The following PDPK1 variants were observed in gnomAD, a reference collection of about 807,000 sequenced individuals.
The protein encoded by PDPK1 is 3-phosphoinositide-dependent protein kinase 1.
PDPK1 carries 7 observed loss-of-function variants against 39.8 expected under a neutral mutation model. The observed-to-expected ratio is 0.18, with a 90% CI of 0.10 to 0.33. The LOEUF is 0.33. Among genes scored for constraint, PDPK1 ranks in the 10% least tolerant of loss-of-function variants. PDPK1 has a pLI of 1.00. For synonymous variants in PDPK1, 118 were observed against 159.1 expected (o/e 0.74, Z 1.95); for missense variants, 182 against 384.7 (o/e 0.47, Z 4.41).
At chr16:2,589,478 A>G (rs1036111400) in intron 11 of PDPK1, among the ~76,000 whole-genome samples, 3 of 152,148 alleles carry the variant, frequency 2.0e-5, no homozygotes, top group Non-Finnish European at 4.4e-5. Flanking sequence ...CACTTGAGCC[A>G]GGAATTCGAG....
In PDPK1 at chr16:2,597,155, C is replaced by T; in HGVS notation, c.1434C>T (p.Leu478=). The T allele has an allele frequency of 1.9e-6, 3 of 1,567,450 alleles. No individual in the cohort carries two copies. The highest frequency in any genetic ancestry group is 1.2e-5 in the South Asian group (1 of 86,426). ...TTGCAAGACGACGACAGCTGTTGCT[C>T]ACAGAAGGACCACATTTATATTATG... ...GLFARRRQLL[L]TEGPHLYYVD... Residue 478 remains leucine (L), a synonymous_variant, in exon 13 of 14, where the codon CTC becomes CTT. Coordinates refer to ENST00000342085, the MANE Select transcript of PDPK1 (RefSeq NM_002613.5). This position sits in a 1 kb window ranked among gnomAD's most constrained non-coding sequence, Gnocchi z 6.3.
At chr16:2,546,155 C>T (rs1412030529) in intron 1 of PDPK1, among the ~76,000 whole-genome samples, 1 of 151,966 alleles carries the variant, frequency 6.6e-6, no homozygotes, top group African/African-American at 2.4e-5. Flanking sequence ...GCGATCTCGG[C>T]TCACTGCAAC....
At chr16:2,585,545 T>A (rs897929639) in intron 10 of PDPK1, among the ~76,000 whole-genome samples, 3 of 152,152 alleles carry the variant, frequency 2.0e-5, no homozygotes, top group African/African-American at 4.8e-5. Flanking sequence ...AGCAGGTGCT[T>A]CGTTGGCTCC....
rs1310200236 is a variant in PDPK1 at position 2,602,920 on chromosome 16, TTTGAA to T, written c.*5161_*5165del. On this transcript the variant is annotated 3_prime_UTR_variant, in exon 14 of 14. Coordinates refer to ENST00000342085, the MANE Select transcript of PDPK1 (RefSeq NM_002613.5). ...TATTTAAATTCTAATATATGAATTA[TTTGAA>T]TTGAATTCATGTTCGGGGCCACGTT... The T allele has an allele frequency of 3.4e-5, 8 of 232,582 alleles. No homozygotes were observed. Among genetic ancestry groups the T allele is most frequent in the Non-Finnish European group, 3.4e-5 (4 of 117,492 alleles). The allele number at this position is 232,582 out of a possible 1,614,324, so 14.4% of individuals were successfully genotyped here.
chr16:2,559,429 C>CT (rs1274050325), intron 2 of PDPK1, among the ~76,000 whole-genome samples: 3 of 147,318 alleles, frequency 2.0e-5, no homozygotes, highest in Admixed American at 1.3e-4. Context: ...CCAGACTGGT[C>CT]TTGAACTCCT....
chr16:2,584,456 G>A (rs1018256759), intron 10 of PDPK1, among the ~76,000 whole-genome samples: 1 of 151,508 alleles, frequency 6.6e-6, no homozygotes, highest in East Asian at 1.9e-4. Context: ...AACCTCTGCC[G>A]CTGTGGGTTC....
At chr16:2,560,073 GC>G (rs1393123798) in intron 2 of PDPK1, among the ~76,000 whole-genome samples, 2 of 150,546 alleles carry the variant, frequency 1.3e-5, no homozygotes, top group South Asian at 2.1e-4. Context: ...GAGCCGGGAG[GC>G]CCCCTGAGGA....
intron 1 of PDPK1, among the ~76,000 whole-genome samples, chr16:2,551,644 C>T (rs1401965161): frequency 2.0e-5 from 3 of 150,236 alleles, no homozygotes; most frequent in South Asian, 2.1e-4. Flanking sequence ...CCATAGGAGG[C>T]GCCCTGATTT....
chr16:2,596,921 G>A (rs973896437), intron 12 of PDPK1, among the ~76,000 whole-genome samples: 1 of 152,188 alleles, frequency 6.6e-6, no homozygotes, highest in Non-Finnish European at 1.5e-5. Flanking sequence ...CATCTCAGCA[G>A]CAGAGGCCTG....
rs1234314497 is a variant in PDPK1 at position 2,599,557 on chromosome 16, G to A, written c.*1790G>A. The stretch of plus-strand genomic sequence containing the variant: ...TGAGCTGGGCCGCACCTACCCTGGG[G>A]CCCCAGGGAGCAGGACGCTCCGGGG... On this transcript the variant is annotated 3_prime_UTR_variant, in exon 14 of 14. Transcript: ENST00000342085. 1 of 232,528 alleles carries A rather than the reference G, an allele frequency of 4.3e-6. No homozygotes were observed. The highest frequency in any genetic ancestry group is 5.6e-5 in the Admixed American group (1 of 17,750). 14.4% of individuals were successfully genotyped at this position (232,528 alleles called of 1,614,324 possible). A position where few individuals can be genotyped will look rare whatever the true frequency, so the allele number is the denominator to read the frequency against.
Position 2,602,426 on chromosome 16 carries a change from C to G in PDPK1, c.*4659C>G. ...CAACTGAACGAGCCTACGTGTGTAC[C>G]TGAATTTTCCCCGTAACTCATTTCT... is the stretch of plus-strand genomic sequence containing the variant. On this transcript the variant is annotated 3_prime_UTR_variant, in exon 14 of 14. Transcript: ENST00000342085. 1 of 235,372 alleles carries G rather than the reference C, an allele frequency of 4.2e-6. No homozygotes were observed. The highest frequency in any genetic ancestry group is 8.5e-6 in the Non-Finnish European group (1 of 118,180). 14.6% of individuals were successfully genotyped at this position (235,372 alleles called of 1,614,324 possible).
chr16:2,544,622 C>T (rs1304334074), intron 1 of PDPK1, among the ~76,000 whole-genome samples: 1 of 152,002 alleles, frequency 6.6e-6, no homozygotes, highest in Non-Finnish European at 1.5e-5. Flanking sequence ...CTCGCTCTGT[C>T]GCCCAAGTTG....
In PDPK1 at chr16:2,597,612, G is replaced by A; in HGVS notation, c.1555-39G>A. On this transcript the variant is annotated intron_variant, in intron 13 of 13. Coordinates refer to ENST00000342085, the MANE Select transcript of PDPK1 (RefSeq NM_002613.5). This position sits in a 1 kb window ranked among gnomAD's most constrained non-coding sequence, Gnocchi z 6.3. Reference sequence around the variant, plus strand: ...CAGGTTGGGGTGGGGGTTTTGGTGGGACTCCCTGGAGAACACTAAACGGCT... The same window carrying A: ...CAGGTTGGGGTGGGGGTTTTGGTGGAACTCCCTGGAGAACACTAAACGGCT... The A allele has an allele frequency of 3.5e-6, 5 of 1,440,754 alleles. No individual in the cohort carries two copies. The highest frequency in any genetic ancestry group is 3.9e-6 in the Non-Finnish European group (4 of 1,022,016). 89.2% of individuals were successfully genotyped at this position (1,440,754 alleles called of 1,614,324 possible). A position where few individuals can be genotyped will look rare whatever the true frequency, so the allele number is the denominator to read the frequency against.
intron 2 of PDPK1, among the ~76,000 whole-genome samples, chr16:2,558,890 TTC>T (rs1180352792): frequency 7.4e-6 from 1 of 134,836 alleles, no homozygotes; most frequent in African/African-American, 3.2e-5. Flanking sequence ...TTTTCCTTTT[TTC>T]TCTTTTTTAC....
At position 2,602,454 on chromosome 16, in the gene PDPK1, C is replaced by T. The variant is rs1177139348; in HGVS notation, c.*4687C>T. The T allele has an allele frequency of 4.3e-6, 1 of 235,226 alleles. No homozygotes were observed. The highest frequency in any genetic ancestry group is 2.2e-5 in the African/African-American group (1 of 45,344). 14.6% of individuals were successfully genotyped at this position (235,226 alleles called of 1,614,324 possible). ...AATTTTCCCCGTAACTCATTTCTTC[C>T]ATATGAAGAAACACCAAACTATGTA... On this transcript the variant is annotated 3_prime_UTR_variant, in exon 14 of 14. Transcript: ENST00000342085.
In PDPK1 at chr16:2,599,897, A is replaced by G. The variant is rs1482658928; in HGVS notation, c.*2130A>G. ...GTGCGTTCTTCCTCTGGATAGAACC[A>G]CCACCTCCTGGGCGTCACTGACAAG... is the stretch of plus-strand genomic sequence containing the variant. On this transcript the variant is annotated 3_prime_UTR_variant, in exon 14 of 14. Coordinates refer to ENST00000342085, the MANE Select transcript of PDPK1 (RefSeq NM_002613.5). 8.6e-6 allele frequency: 2 copies of G among 233,186 alleles called. No homozygotes were observed. The highest frequency in any genetic ancestry group is 1.7e-5 in the Non-Finnish European group (2 of 118,104). 14.4% of individuals were successfully genotyped at this position (233,186 alleles called of 1,614,324 possible).
chr16:2,553,887 G>A lies in PDPK1; in HGVS notation c.25-3816G>A, dbSNP rs1198881254. Among the ~76,000 whole-genome samples the A allele has an allele frequency of 4.9e-5, 6 of 121,492 alleles. No homozygotes were observed. The South Asian group carries it at 2.0e-3, about 40-fold the overall frequency. 79.7% of individuals were successfully genotyped at this position (121,492 alleles called of 152,430 possible). A position where few individuals can be genotyped will look rare whatever the true frequency, so the allele number is the denominator to read the frequency against. ...TCCATGGGACTGAGTGCTGGGACGG[G>A]GCGTTTTGGGAGCCTGGCAGGACCC... On this transcript the variant is annotated intron_variant, in intron 1 of 13. Transcript: ENST00000342085.
At chr16:2,539,758 A>G (rs369298397) in intron 1 of PDPK1, among the ~76,000 whole-genome samples, 20 of 152,328 alleles carry the variant, frequency 1.3e-4, no homozygotes, top group East Asian at 1.2e-3. Context: ...ACCTGCACCC[A>G]GTGACAGTCA....
In PDPK1 at chr16:2,586,750, C is replaced by G; in HGVS notation, c.1200C>G (p.Ser400=). ...CCTCCTCACACTCCCTGTCAGCCTC[C>G]GACACGGGCCTGCCCCAGAGGTCAG... ...SSSSSHSLSA[S]DTGLPQRSGS... Residue 400 remains serine (S), a synonymous_variant, in exon 11 of 14, where the codon TCC becomes TCG. Transcript: ENST00000342085. 6.2e-7 allele frequency: 1 copy of G among 1,614,250 alleles called. No homozygotes were observed. The highest frequency in any genetic ancestry group is 8.5e-7 in the Non-Finnish European group (1 of 1,180,048).
Sources: allele counts gnomAD v4.1 joint callset (sites outside exome capture counted in the v4.1 genomes callset), GRCh38; gene constraint gnomAD v4.1.1; non-coding constraint Gnocchi (gnomAD v3.1); transcripts MANE v1.5; gene names NCBI Gene and HGNC (gene_info 2026-07-23, HGNC 2026-07-21).